PPIG: variants seen among roughly 807,000 people sequenced by gnomAD.
PPIG encodes peptidyl-prolyl cis-trans isomerase G.
A neutral mutation model predicts 87.9 loss-of-function variants in PPIG; 26 were observed. That is an observed-to-expected ratio of 0.30 (90% CI 0.22 to 0.41). PPIG has a LOEUF of 0.41. PPIG is among the 10% of genes least tolerant of loss of function. PPIG has a pLI of 1.00. For missense variants in PPIG, 722 were observed against 879.4 expected, an observed-to-expected ratio of 0.82 and a Z score of 2.26; for synonymous variants, 308 against 276.5, an observed-to-expected ratio of 1.11 and a Z score of -1.13.
In PPIG at chr2:169,636,942, A is replaced by G; in HGVS notation, c.1684A>G (p.Thr562Ala). 4.3e-6 allele frequency: 7 copies of G among 1,614,068 alleles called. No individual in the cohort carries two copies. The highest frequency in any genetic ancestry group is 5.1e-6 in the Non-Finnish European group (6 of 1,179,994). ...AGGTAAACACAGTTATAATAGCAGA[A>G]CAAGAGAACGAAGCAGAAGTAGGGA... is the stretch of plus-strand genomic sequence containing the variant. ...TKGKHSYNSR[T>A]RERSRSRDRS... Residue 562 changes from threonine to alanine, a missense_variant, in exon 14 of 14, where the codon ACA becomes GCA. Physicochemically the swap from Thr to Ala is moderately conservative, Grantham distance 58 (BLOSUM62 0). Transcript: ENST00000260970.
chr2:169,604,790 C>T (rs1221087923), intron 4 of PPIG, among the ~76,000 whole-genome samples: 3 of 151,822 alleles, frequency 2.0e-5, no homozygotes, highest in Non-Finnish European at 2.9e-5. Context: ...AGGAGAATCA[C>T]TTGAACCCGA....
Position 169,617,607 on chromosome 2 carries a change from C to G in PPIG, c.547+2883C>G, listed in dbSNP as rs544057450. Among the ~76,000 whole-genome samples, 3 of 152,176 alleles carry G rather than the reference C, an allele frequency of 2.0e-5. No homozygotes were observed. In the East Asian group the frequency reaches 5.8e-4, roughly 29 times the overall value. The stretch of plus-strand genomic sequence containing the variant: ...AAGTTGTGTTCCTAGGTTTTTTATT[C>G]TCTTTGTAGCAATTGAGAATGGGAG... On this transcript the variant is annotated intron_variant, in intron 9 of 13. Transcript: ENST00000260970.
chr2:169,586,536 A>G (rs945651074), intron 1 of PPIG, among the ~76,000 whole-genome samples: 1 of 152,022 alleles, frequency 6.6e-6, no homozygotes, highest in African/African-American at 2.4e-5. Context: ...TTTATTTTTA[A>G]CCATATAGTC....
At chr2:169,596,756 G>A (rs769181917) in intron 1 of PPIG, among the ~76,000 whole-genome samples, 1 of 152,016 alleles carries the variant, frequency 6.6e-6, no homozygotes, top group Non-Finnish European at 1.5e-5. Flanking sequence ...CTGGAGTGTT[G>A]TGGCGCAATC....
intron 1 of PPIG, among the ~76,000 whole-genome samples, chr2:169,599,607 A>G (rs1321981444): frequency 6.6e-6 from 1 of 152,192 alleles, no homozygotes; most frequent in Non-Finnish European, 1.5e-5. Context: ...TTGCTTATCA[A>G]AACTGCTGGT....
chr2:169,584,916 G>A (rs77586733), intron 1 of PPIG: 2,378 of 207,912 alleles, frequency 0.011, 70 homozygotes, highest in African/African-American at 0.054. Flanking sequence ...GGCGGGACTG[G>A]TGGGGAAGGG....
At position 169,637,082 on chromosome 2, in the gene PPIG, GAGA is replaced by G. The variant is rs757078456; in HGVS notation, c.1829_1831del (p.Arg610del). The stretch of plus-strand genomic sequence containing the variant: ...GAAGAGGACGGTCACGAAGCCGAGA[GAGA>G]AGAACACCACCAGGAAGATCAAGAA... On this transcript the variant is annotated inframe_deletion, in exon 14 of 14. Coordinates refer to ENST00000260970, the MANE Select transcript of PPIG (RefSeq NM_004792.3). The G allele has an allele frequency of 2.8e-4, 453 of 1,613,392 alleles. No homozygotes were observed. The highest frequency in any genetic ancestry group is 3.6e-4 in the Non-Finnish European group (423 of 1,179,738).
intron 9 of PPIG, among the ~76,000 whole-genome samples, chr2:169,620,296 G>C (rs897322224): frequency 6.6e-6 from 1 of 151,774 alleles, no homozygotes; most frequent in Non-Finnish European, 1.5e-5. Context: ...TTTTACATGT[G>C]GATATCTAGT....
In PPIG at chr2:169,631,835, C is replaced by T. The variant is rs1245039593; in HGVS notation, c.831C>T (p.Ile277=). The change falls in exon 11 of 14, where the codon ATC becomes ATT. Residue 277 remains isoleucine, a synonymous_variant. Coordinates refer to ENST00000260970, the MANE Select transcript of PPIG (RefSeq NM_004792.3). ...AGTCTACTGTCCGTCCAGAAGAGAT[C>T]CCTCCTATACCTGAAAATAGATTCC... ...QPQSTVRPEE[I]PPIPENRFLM... is the part of the protein sequence containing the mutation. 6.2e-7 allele frequency: 1 copy of T among 1,613,462 alleles called. No individual in the cohort carries two copies. The highest frequency in any genetic ancestry group is 1.7e-5 in the Admixed American group (1 of 59,984).
intron 7 of PPIG, among the ~76,000 whole-genome samples, chr2:169,612,379 A>ATTTTTTTTTTTTTTTTTTTTTTTTTTTTT (rs57752220): frequency 9.4e-6 from 1 of 106,748 alleles, no homozygotes; most frequent in Non-Finnish European, 1.8e-5. Context: ...TCAGAACTCC[A>ATTTTTTTTTTTTTTTTTTTTTTTTTTTTT]TTTTTTTTTT....
intron 1 of PPIG, among the ~76,000 whole-genome samples, chr2:169,598,798 A>T (rs1275177150): frequency 8.0e-6 from 1 of 125,380 alleles, no homozygotes; most frequent in Non-Finnish European, 1.7e-5. Context: ...TTATCAAAGT[A>T]TTATAAATAT....
chr2:169,585,239 G>A (rs964715733), intron 1 of PPIG, among the ~76,000 whole-genome samples: 1 of 149,006 alleles, frequency 6.7e-6, no homozygotes, highest in Non-Finnish European at 1.5e-5. Flanking sequence ...ATGCCTGAAG[G>A]GGAAGTATGC....
At chr2:169,618,682 A>G (rs147208946) in intron 9 of PPIG, among the ~76,000 whole-genome samples, 409 of 152,088 alleles carry the variant, frequency 2.7e-3, no homozygotes, top group African/African-American at 8.8e-3. Context: ...CTGTATTTCT[A>G]TGGGATCAGT....
At chr2:169,593,398 A>G (rs61614784) in intron 1 of PPIG, among the ~76,000 whole-genome samples, 1,738 of 151,586 alleles carry the variant, frequency 0.011, 38 homozygotes, top group African/African-American at 0.039. Flanking sequence ...GTTTCACCAC[A>G]TTGGTCAGGC....
At chr2:169,585,829 C>T (rs1559171341) in intron 1 of PPIG, among the ~76,000 whole-genome samples, 4 of 151,952 alleles carry the variant, frequency 2.6e-5, no homozygotes, top group African/African-American at 2.4e-5. Flanking sequence ...GTAGTTAAAA[C>T]CAGGAAAAAA....
intron 9 of PPIG, among the ~76,000 whole-genome samples, chr2:169,627,612 G>T (rs573981016): frequency 6.6e-6 from 1 of 150,538 alleles, no homozygotes; most frequent in Non-Finnish European, 1.5e-5. Context: ...CTGCAGCCTC[G>T]ACCTCCCAGG....
chr2:169,585,270 C>CTTTTTT lies in PPIG; in HGVS notation c.-70+784_-70+789dup, dbSNP rs1553542345. 2.5e-5 allele frequency among the ~76,000 whole-genome samples: 3 copies of CTTTTTT among 118,756 alleles called. 1 individual carries two copies. The Admixed American group carries it at 2.9e-4, about 11-fold the overall frequency. The allele number at this position is 118,756 out of a possible 152,430, so 77.9% of individuals were successfully genotyped here. ...TATGCTAATTTGGTTCTTGGTTAGT[C>CTTTTTT]TTTTTTTTTGAGACGGAGTCTCGCT... On this transcript the variant is annotated intron_variant, in intron 1 of 13. Transcript: ENST00000260970.
At chr2:169,595,791 G>A (rs1402352309) in intron 1 of PPIG, among the ~76,000 whole-genome samples, 3 of 152,194 alleles carry the variant, frequency 2.0e-5, no homozygotes, top group South Asian at 4.1e-4. Context: ...ATGTATCACA[G>A]TTTTTTGTTT....
chr2:169,608,820 T>C (rs1685406840), intron 7 of PPIG, 62 bp downstream of exon 7: 8 of 1,188,114 alleles, frequency 6.7e-6, no homozygotes, highest in African/African-American at 4.6e-5. Context: ...CGGTGGCTCA[T>C]GCCTGTAATC....
Sources: gnomAD v4.1 joint callset for allele counts (sites outside exome capture counted in the v4.1 genomes callset) on GRCh38, gnomAD v4.1.1 for gene constraint, MANE v1.5 for transcripts, NCBI Gene and HGNC (gene_info 2026-07-23, HGNC 2026-07-21) for gene names.